The following RIMS2 variants were observed in gnomAD, a reference collection of about 807,000 sequenced individuals.
RIMS2 encodes regulating synaptic membrane exocytosis 2.
In RIMS2, 59 loss-of-function variants were observed where a neutral mutation model predicts 174.4. The ratio of observed to expected loss-of-function variants is 0.34; its 90% CI spans 0.27 to 0.42. The LOEUF (loss-of-function observed/expected upper bound fraction) is 0.42, where lower values mean the gene tolerates loss of function less well. RIMS2 is among the 10% of genes least tolerant of loss of function. The pLI is 1.00. For missense variants in RIMS2, 1,620 were observed against 1,666.3 expected, an observed-to-expected ratio of 0.97 and a Z score of 0.48; for synonymous variants, 606 against 572.5, an observed-to-expected ratio of 1.06 and a Z score of -0.84.
At chr8:103,578,572 C>A (rs10102138) in intron 1 of RIMS2, among the ~76,000 whole-genome samples, 1,836 of 151,810 alleles carry the variant, frequency 0.012, 35 homozygotes, top group African/African-American at 0.04. Context: ...ACAACAACAA[C>A]AAAAAACCCA....
intron 19 of RIMS2, among the ~76,000 whole-genome samples, chr8:104,038,665 ATACT>A (rs2096559129): frequency 1.3e-5 from 2 of 151,908 alleles, no homozygotes; most frequent in Non-Finnish European, 3.0e-5. Flanking sequence ...TGCAAAATAA[ATACT>A]TACAGCATAT....
intron 4 of RIMS2, among the ~76,000 whole-genome samples, chr8:103,905,094 C>G (rs1235743989): frequency 1.3e-5 from 2 of 151,944 alleles, no homozygotes; most frequent in Admixed American, 6.6e-5. Context: ...ATGTTGAAAA[C>G]CACATCAGAC....
intron 1 of RIMS2, among the ~76,000 whole-genome samples, chr8:103,509,181 G>A (rs1017891905): frequency 1.3e-5 from 2 of 152,076 alleles, no homozygotes; most frequent in African/African-American, 4.8e-5. Flanking sequence ...ACAAAGGGGA[G>A]AAAGTAAGAT....
At chr8:103,649,354 A>C (rs1245158912) in intron 1 of RIMS2, among the ~76,000 whole-genome samples, 1 of 151,516 alleles carries the variant, frequency 6.6e-6, no homozygotes, top group Admixed American at 6.6e-5. Context: ...TGGCCTTTCT[A>C]TCTGACTGCC....
chr8:103,752,795 C>T (rs1409559568), intron 2 of RIMS2, among the ~76,000 whole-genome samples: 1 of 152,128 alleles, frequency 6.6e-6, no homozygotes, highest in Non-Finnish European at 1.5e-5. Flanking sequence ...TATCCTGAGA[C>T]TTTGCTGAAG....
chr8:104,150,576 G>T (rs552405620), intron 19 of RIMS2, among the ~76,000 whole-genome samples: 21 of 152,228 alleles, frequency 1.4e-4, no homozygotes, highest in African/African-American at 5.1e-4. Flanking sequence ...GACTCAAGTG[G>T]CTGCTAACTA....
intron 19 of RIMS2, chr8:104,223,689 GGCGCTCCAT>G: frequency 6.3e-7 from 1 of 1,591,894 alleles, no homozygotes; most frequent in Non-Finnish European, 8.5e-7. Context: ...AGCGCTGCGG[GGCGCTCCAT>G]GCAGCGCTCC....
At chr8:103,705,436 A>T (rs1025465591) in intron 2 of RIMS2, among the ~76,000 whole-genome samples, 1 of 152,080 alleles carries the variant, frequency 6.6e-6, no homozygotes, top group Non-Finnish European at 1.5e-5. Context: ...TGGATGAAAT[A>T]TTTTGTAAAT....
intron 3 of RIMS2, among the ~76,000 whole-genome samples, chr8:103,790,799 C>T (rs1318550447): frequency 6.6e-6 from 1 of 152,088 alleles, no homozygotes; most frequent in South Asian, 2.1e-4. Flanking sequence ...ATACATATTT[C>T]TGTTATTGTA....
chr8:103,960,368 T>C (rs2089560993), intron 14 of RIMS2, among the ~76,000 whole-genome samples: 1 of 152,320 alleles, frequency 6.6e-6, no homozygotes, highest in Admixed American at 6.5e-5. Flanking sequence ...TGCTCTTGAA[T>C]TGTAATAACT....
chr8:104,182,892 A>C (rs2098948286), intron 19 of RIMS2, among the ~76,000 whole-genome samples: 2 of 151,718 alleles, frequency 1.3e-5, no homozygotes. Flanking sequence ...GTATTTGTGC[A>C]CTGTTTACAA....
intron 1 of RIMS2, among the ~76,000 whole-genome samples, chr8:103,646,933 C>G (rs2096347355): frequency 6.6e-6 from 1 of 152,124 alleles, no homozygotes; most frequent in Non-Finnish European, 1.5e-5. Context: ...AGAATGTTTC[C>G]AGCTTTTGCC....
At position 104,101,380 on chromosome 8, in the gene RIMS2, C is replaced by T. The variant is rs180893851; in HGVS notation, c.3334+86765C>T. 5.2e-3 allele frequency among the ~76,000 whole-genome samples: 797 copies of T among 152,152 alleles called. 6 individuals are homozygous for T. The highest frequency in any genetic ancestry group is 0.014 in the Middle Eastern group (4 of 294). The stretch of plus-strand genomic sequence containing the variant: ...CTGACTTCAAGTGATCCACCCGCCT[C>T]GGCCTCCCAAAGTGCTGGGATTACA... On this transcript the variant is annotated intron_variant, in intron 19 of 23. Coordinates refer to ENST00000504942, the Ensembl canonical transcript of RIMS2.
chr8:103,768,696 C>T (rs554354104), intron 3 of RIMS2: 1 of 771,858 alleles, frequency 1.3e-6, no homozygotes, highest in Non-Finnish European at 2.4e-6. Context: ...AAAGAGCTAG[C>T]AGAATCCACA....
At chr8:104,134,455 A>G (rs1201708667) in intron 19 of RIMS2, among the ~76,000 whole-genome samples, 1 of 152,228 alleles carries the variant, frequency 6.6e-6, no homozygotes, top group Non-Finnish European at 1.5e-5. Flanking sequence ...ACAGAGCGAG[A>G]CTTCATCTCA....
At chr8:103,910,184 G>A (rs1288500916) in exon 5 of RIMS2, 1 of 1,610,326 alleles carries the variant, frequency 6.2e-7, no homozygotes, top group East Asian at 2.2e-5. Flanking sequence ...TAGCAGTGAG[G>A]CATCCCCAAT....
At chr8:104,022,892 A>G (rs1019787305) in intron 19 of RIMS2, among the ~76,000 whole-genome samples, 2 of 152,240 alleles carry the variant, frequency 1.3e-5, no homozygotes, top group African/African-American at 4.8e-5. Context: ...AGTTGAACCT[A>G]GAAATTAATG....
At chr8:103,808,128 C>T (rs1012616701) in intron 3 of RIMS2, among the ~76,000 whole-genome samples, 7 of 152,076 alleles carry the variant, frequency 4.6e-5, no homozygotes, top group Admixed American at 2.0e-4. Context: ...GCTATTTTCC[C>T]GAGAGTTGTT....
intron 3 of RIMS2, among the ~76,000 whole-genome samples, chr8:103,855,888 A>G (rs557420952): frequency 2.0e-4 from 30 of 152,228 alleles, no homozygotes; most frequent in Admixed American, 7.2e-4. Context: ...TCAAGTGTCA[A>G]GTTTAAATCC....
Sources: gnomAD v4.1 joint callset for allele counts (sites outside exome capture counted in the v4.1 genomes callset) on GRCh38, gnomAD v4.1.1 for gene constraint, MANE v1.5 for transcripts, NCBI Gene and HGNC (gene_info 2026-07-23, HGNC 2026-07-21) for gene names.